PTTG1IP: variants seen among roughly 807,000 people sequenced by gnomAD.
The protein encoded by PTTG1IP is PTTG1 interacting protein, also known as pituitary tumor-transforming gene 1 protein-interacting protein.
PTTG1IP carries 16 observed loss-of-function variants against 24.4 expected under a neutral mutation model. The ratio of observed to expected loss-of-function variants is 0.66; its 90% CI spans 0.44 to 1.00. The LOEUF (loss-of-function observed/expected upper bound fraction) is 1.00. PTTG1IP is among the 50% of genes least tolerant of loss of function. PTTG1IP has a pLI of 0.00. For missense variants in PTTG1IP, 241 were observed against 245.8 expected, an observed-to-expected ratio of 0.98 and a Z score of 0.13; for synonymous variants, 89 against 96.8, an observed-to-expected ratio of 0.92 and a Z score of 0.47.
chr21:44,858,270 A>C (rs2083463395), intron 3 of PTTG1IP, among the ~76,000 whole-genome samples: 1 of 152,226 alleles, frequency 6.6e-6, no homozygotes, highest in South Asian at 2.1e-4. Flanking sequence ...ACTGGATAAA[A>C]TGGTTCTAAG....
chr21:44,872,931 T>A (rs1409890140), intron 1 of PTTG1IP: 1 of 152,334 alleles, frequency 6.6e-6, no homozygotes. Context: ...GGGGACGCCT[T>A]CCTTTCTAAG....
In PTTG1IP at chr21:44,851,107, C is replaced by A; in HGVS notation, c.*474G>T. ...AACAGGTGTGAAGACTCAAGATGCG[C>A]ACACAGACGCTGTCCGTGGTTTTAT... is the stretch of plus-strand genomic sequence containing the variant. On this transcript the variant is annotated 3_prime_UTR_variant, in exon 6 of 6. Transcript: ENST00000330938. 1 of 444,370 alleles carries A rather than the reference C, an allele frequency of 2.3e-6. No individual in the cohort carries two copies. Among genetic ancestry groups the A allele is most frequent in the Non-Finnish European group, 4.1e-6 (1 of 246,634 alleles). 27.5% of individuals were successfully genotyped at this position (444,370 alleles called of 1,614,324 possible).
intron 5 of PTTG1IP, among the ~76,000 whole-genome samples, chr21:44,854,308 T>A (rs1218698639): frequency 3.3e-5 from 5 of 152,092 alleles, no homozygotes; most frequent in African/African-American, 1.2e-4. Context: ...TCCAATTAGG[T>A]TTAGCCTTTA....
intron 2 of PTTG1IP, chr21:44,861,716 C>G (rs768411879): frequency 1.3e-5 from 9 of 716,432 alleles, no homozygotes; most frequent in East Asian, 5.4e-5. Context: ...GCCTCCACCC[C>G]CTCCTCCTCA....
At chr21:44,870,525 CAAAAA>C (rs60436978) in intron 1 of PTTG1IP, among the ~76,000 whole-genome samples, 4 of 76,964 alleles carry the variant, frequency 5.2e-5, no homozygotes, top group Admixed American at 1.7e-4. Context: ...GACTCCATCT[CAAAAA>C]AAAAAAAAAA....
intron 1 of PTTG1IP, among the ~76,000 whole-genome samples, chr21:44,871,071 A>G (rs1057048472): frequency 1.6e-4 from 24 of 152,264 alleles, no homozygotes; most frequent in Admixed American, 1.4e-3. Flanking sequence ...CATGGAGAAC[A>G]ACTACATTGT....
Position 44,855,345 on chromosome 21 carries a change from G to T in PTTG1IP, c.450-89C>A. ...CGCCCTTCCGTGTCCCTCAGTGGGGGCGCCAGGTTTCTTCTGGTGGCTTCC... is the reference window on the plus strand; with the variant it reads ...CGCCCTTCCGTGTCCCTCAGTGGGGTCGCCAGGTTTCTTCTGGTGGCTTCC... On this transcript the variant is annotated intron_variant, in intron 4 of 5. Transcript: ENST00000330938. 2.1e-6 allele frequency: 3 copies of T among 1,405,052 alleles called. No homozygotes were observed. In the South Asian group the frequency reaches 3.5e-5, roughly 16 times the overall value. 87.0% of individuals were successfully genotyped at this position (1,405,052 alleles called of 1,614,324 possible). A position where few individuals can be genotyped will look rare whatever the true frequency, so the allele number is the denominator to read the frequency against.
chr21:44,866,803 A>T (rs1403624567), intron 1 of PTTG1IP, among the ~76,000 whole-genome samples: 2 of 152,218 alleles, frequency 1.3e-5, no homozygotes, highest in Non-Finnish European at 2.9e-5. Flanking sequence ...CACCTACCAG[A>T]ATGGCTAAAA....
chr21:44,871,908 AGACACACCGAATGGCTTTTCAGCT>A (rs1165019565), intron 1 of PTTG1IP, among the ~76,000 whole-genome samples: 2 of 152,218 alleles, frequency 1.3e-5, no homozygotes, highest in Non-Finnish European at 2.9e-5. Flanking sequence ...CTCCAAGTGC[AGACACACCGAATGGCTTTTCAGCT>A]GACACACCGA....
rs2083412856 is a variant in PTTG1IP, at chr21:44,851,732, A to G, written c.497-105T>C. The G allele has an allele frequency of 4.3e-6, 6 of 1,390,832 alleles. No homozygotes were observed. In the Admixed American group the frequency reaches 1.1e-4, roughly 27 times the overall value. 86.2% of individuals were successfully genotyped at this position (1,390,832 alleles called of 1,614,324 possible). On this transcript the variant is annotated intron_variant, in intron 5 of 5. Transcript: ENST00000330938. ...TTATAAGAAGATTTACTGAGGCTATAGCAACAACGGGCATTGTAAGCAGGC... is the reference window on the plus strand; with the variant it reads ...TTATAAGAAGATTTACTGAGGCTATGGCAACAACGGGCATTGTAAGCAGGC...
At chr21:44,855,897 G>A (rs1014410403) in intron 4 of PTTG1IP, among the ~76,000 whole-genome samples, 13 of 152,132 alleles carry the variant, frequency 8.5e-5, no homozygotes, top group Non-Finnish European at 1.2e-4. Flanking sequence ...GGGCCTGGAC[G>A]AGCCGCCTTA....
intron 5 of PTTG1IP, among the ~76,000 whole-genome samples, chr21:44,852,720 G>C (rs560312322): frequency 6.6e-6 from 1 of 151,910 alleles, no homozygotes; most frequent in African/African-American, 2.4e-5. Context: ...CTAGCAAGGA[G>C]GCTGGTTAAG....
At chr21:44,853,707 CT>C (rs1295383923) in intron 5 of PTTG1IP, among the ~76,000 whole-genome samples, 1 of 151,150 alleles carries the variant, frequency 6.6e-6, no homozygotes, top group East Asian at 1.9e-4. Flanking sequence ...TCACCACCCA[CT>C]CCAGACACAC....
chr21:44,865,516 G>A, intron 1 of PTTG1IP, 69 bp from the exon 2 acceptor site: 5 of 1,517,120 alleles, frequency 3.3e-6, no homozygotes, highest in Non-Finnish European at 4.6e-6. Flanking sequence ...GTCCAGCAGG[G>A]CAGGGTGGGC....
intron 4 of PTTG1IP, among the ~76,000 whole-genome samples, 190 bp downstream of exon 4, chr21:44,856,003 C>T (rs1018640209): frequency 6.6e-6 from 1 of 152,216 alleles, no homozygotes; most frequent in African/African-American, 2.4e-5. Context: ...GCAAGGTTCG[C>T]AGCCACTGCT....
At chr21:44,853,502 C>A (rs1256176617) in intron 5 of PTTG1IP, among the ~76,000 whole-genome samples, 1 of 128,612 alleles carries the variant, frequency 7.8e-6, no homozygotes, top group African/African-American at 3.1e-5. Flanking sequence ...GGTGAGACTC[C>A]GTCTCAAAAA....
chr21:44,854,148 C>T (rs980535957), intron 5 of PTTG1IP, among the ~76,000 whole-genome samples: 3 of 152,188 alleles, frequency 2.0e-5, no homozygotes, highest in Non-Finnish European at 4.4e-5. Context: ...TGGGCTTTGC[C>T]GTCCACCCCC....
At chr21:44,857,736 C>T (rs1232509923) in intron 3 of PTTG1IP, among the ~76,000 whole-genome samples, 1 of 152,230 alleles carries the variant, frequency 6.6e-6, no homozygotes, top group Non-Finnish European at 1.5e-5. Context: ...GCCCCGGACG[C>T]TGAGATCCGC....
chr21:44,864,749 G>A (rs2083521744), intron 2 of PTTG1IP, among the ~76,000 whole-genome samples: 2 of 152,198 alleles, frequency 1.3e-5, no homozygotes, highest in South Asian at 2.1e-4. Flanking sequence ...TCCCCACCAC[G>A]GGTGCTCCTT....
Sources: allele counts gnomAD v4.1 joint callset (sites outside exome capture counted in the v4.1 genomes callset), GRCh38; gene constraint gnomAD v4.1.1; transcripts MANE v1.5; gene names NCBI Gene and HGNC (gene_info 2026-07-23, HGNC 2026-07-21).